ANKRD17: variants seen among roughly 807,000 people sequenced by gnomAD.
ANKRD17 encodes ankyrin repeat domain 17.
A neutral mutation model predicts 229.7 loss-of-function variants in ANKRD17; 19 were observed. The observed-to-expected ratio is 0.08, with a 90% confidence interval of 0.06 to 0.12. The LOEUF is 0.12. Among genes scored for constraint, ANKRD17 ranks in the 10% least tolerant of loss-of-function variants. The pLI, the probability that ANKRD17 is intolerant of heterozygous loss-of-function variation, is 1.00. For missense variants in ANKRD17, 2,176 were observed against 3,176.8 expected, an observed-to-expected ratio of 0.68 and a Z score of 7.57; for synonymous variants, 1,112 against 1,146.1, an observed-to-expected ratio of 0.97 and a Z score of 0.60.
At chr4:73,225,861 C>CAAAAAAAAAAAAAAAAAAAAAAAAAAAA (rs375866026) in intron 1 of ANKRD17, among the ~76,000 whole-genome samples, 1 of 66,696 alleles carries the variant, frequency 1.5e-5, no homozygotes, top group Non-Finnish European at 2.6e-5. Context: ...GACTCTGTCT[C>CAAAAAAAAAAAAAAAAAAAAAAAAAAAA]AAAAAAAAAA....
At chr4:73,155,960 TAGTA>T in intron 4 of ANKRD17, 55 bp downstream of exon 4, 2 of 1,525,020 alleles carry the variant, frequency 1.3e-6, no homozygotes, top group South Asian at 2.7e-5. Flanking sequence ...ATTATTTCCT[TAGTA>T]AGCAAGCCAG....
chr4:73,195,076 A>G (rs1737666725), intron 1 of ANKRD17, among the ~76,000 whole-genome samples: 1 of 152,152 alleles, frequency 6.6e-6, no homozygotes, highest in Non-Finnish European at 1.5e-5. Flanking sequence ...TTTTGTTATC[A>G]GTGGATGATG....
intron 6 of ANKRD17, among the ~76,000 whole-genome samples, chr4:73,153,638 G>C (rs1731285860): frequency 6.6e-6 from 1 of 152,164 alleles, no homozygotes; most frequent in African/African-American, 2.4e-5. Flanking sequence ...TAAAAGAACT[G>C]TTTCTGATAA....
Position 73,258,315 on chromosome 4 carries a change from T to C in ANKRD17, c.354A>G (p.Glu118=). The C allele has an allele frequency of 6.2e-7, 1 of 1,613,752 alleles. No individual in the cohort carries two copies. Among genetic ancestry groups the C allele is most frequent in the Non-Finnish European group, 8.5e-7 (1 of 1,179,976 alleles). Residue 118 remains glutamate, a synonymous_variant, in exon 1 of 34, where the codon GAA becomes GAG. Coordinates refer to ENST00000358602, the MANE Select transcript of ANKRD17 (RefSeq NM_032217.5). ...GGGTSSNNSE[E]EEDDDDEEEE... ...CTTCCTCGTCGTCGTCGTCCTCTTC[T>C]TCCTCGCTGTTGTTACTGCTGGTGC...
chr4:73,080,031 G>A (rs1026006083), intron 30 of ANKRD17, among the ~76,000 whole-genome samples: 13 of 152,080 alleles, frequency 8.5e-5, no homozygotes, highest in Admixed American at 3.3e-4. Context: ...ACTTGAACCC[G>A]GGAGGCGGAG....
intron 1 of ANKRD17, among the ~76,000 whole-genome samples, chr4:73,242,139 C>T (rs913402703): frequency 2.6e-5 from 4 of 151,844 alleles, no homozygotes; most frequent in African/African-American, 4.8e-5. Context: ...TCAAAACTCA[C>T]GCAATAAGAG....
At chr4:73,211,919 G>A (rs1740330263) in intron 1 of ANKRD17, among the ~76,000 whole-genome samples, 1 of 151,186 alleles carries the variant, frequency 6.6e-6, no homozygotes, top group South Asian at 2.1e-4. Context: ...AAACTATATG[G>A]TACAACTAAA....
intron 3 of ANKRD17, among the ~76,000 whole-genome samples, chr4:73,159,860 G>A (rs1732259758): frequency 1.3e-5 from 2 of 152,108 alleles, no homozygotes; most frequent in South Asian, 4.1e-4. Flanking sequence ...GGTAAAGCAA[G>A]TTAATACAAA....
intron 1 of ANKRD17, among the ~76,000 whole-genome samples, chr4:73,193,923 C>A (rs1276408989): frequency 2.0e-5 from 3 of 152,080 alleles, no homozygotes; most frequent in Non-Finnish European, 4.4e-5. Flanking sequence ...CAGAGTGAAA[C>A]CTTGTCTCAA....
At chr4:73,104,652 G>A (rs1441419297) in intron 24 of ANKRD17, among the ~76,000 whole-genome samples, 1 of 151,316 alleles carries the variant, frequency 6.6e-6, no homozygotes, top group Non-Finnish European at 1.5e-5. Flanking sequence ...AGCAAATGAA[G>A]TTTTAGAATT....
chr4:73,163,624 G>A (rs932398940), intron 2 of ANKRD17, among the ~76,000 whole-genome samples: 1 of 152,102 alleles, frequency 6.6e-6, no homozygotes, highest in Non-Finnish European at 1.5e-5. Flanking sequence ...TTAAAGTTTT[G>A]AAAGTGTATA....
intron 26 of ANKRD17, 92 bp from the exon 27 acceptor site, chr4:73,097,364 T>G (rs766442434): frequency 6.3e-6 from 7 of 1,116,204 alleles, no homozygotes; most frequent in Non-Finnish European, 7.4e-6. Context: ...TTTTAAAAAT[T>G]TATTTTTAAA....
At chr4:73,205,863 A>T (rs924503907) in intron 1 of ANKRD17, among the ~76,000 whole-genome samples, 6 of 152,188 alleles carry the variant, frequency 3.9e-5, no homozygotes, top group African/African-American at 1.4e-4. Context: ...TTAATGCCAA[A>T]AACACATAAA....
At chr4:73,220,838 G>A (rs1578442087) in intron 1 of ANKRD17, among the ~76,000 whole-genome samples, 1 of 152,224 alleles carries the variant, frequency 6.6e-6, no homozygotes, top group East Asian at 1.9e-4. Flanking sequence ...TAATAAAACT[G>A]TCACTGTGGT....
At chr4:73,150,417 G>T (rs962778953) in intron 7 of ANKRD17, among the ~76,000 whole-genome samples, 1 of 152,048 alleles carries the variant, frequency 6.6e-6, no homozygotes, top group Non-Finnish European at 1.5e-5. Context: ...TTTTAAAACT[G>T]TTACTGTTAA....
chr4:73,141,825 G>T lies in ANKRD17; in HGVS notation c.2248C>A (p.Gln750Lys). Residue 750 changes from glutamine (Q) to lysine (K), a missense_variant, in exon 14 of 34, where the codon CAA (glutamine) becomes AAA (lysine). Gln to Lys is a moderately conservative substitution (Grantham distance 53, BLOSUM62 1). Around this residue, in one of 18 missense-constraint regions of ANKRD17, gnomAD observed 275 missense variants for 386.9 expected, o/e 0.71. Transcript: ENST00000358602. The part of the protein sequence containing the change: ...DLNRAPRVPV[Q>K]ALPMVVPPQE... ...GGTGGAACAACCATGGGCAGTGCTTGAACTGGTACACGAGGAGCCTAAGAC... is the reference window on the plus strand; with the variant it reads ...GGTGGAACAACCATGGGCAGTGCTTTAACTGGTACACGAGGAGCCTAAGAC... 6.2e-7 allele frequency: 1 copy of T among 1,613,882 alleles called. No individual in the cohort carries two copies. The highest frequency in any genetic ancestry group is 8.5e-7 in the Non-Finnish European group (1 of 1,179,900).
chr4:73,107,255 A>G lies in ANKRD17; in HGVS notation c.4402-4708T>C, dbSNP rs550643279. On this transcript the variant is annotated intron_variant, in intron 24 of 33. Coordinates refer to ENST00000358602, the MANE Select transcript of ANKRD17 (RefSeq NM_032217.5). The stretch of plus-strand genomic sequence containing the variant: ...CAAAAATAATTGAGAACCTAAAAGT[A>G]GCATCAAGATTTCATTTCTCAATAA... 2.6e-5 allele frequency among the ~76,000 whole-genome samples: 4 copies of G among 152,382 alleles called. No individual in the cohort carries two copies. In the South Asian group the frequency reaches 8.3e-4, roughly 32 times the overall value.
intron 24 of ANKRD17, among the ~76,000 whole-genome samples, chr4:73,107,347 CA>C (rs1724767035): frequency 6.6e-6 from 1 of 152,196 alleles, no homozygotes; most frequent in Non-Finnish European, 1.5e-5. Context: ...AAAGATCCAA[CA>C]AAAATTTTCT....
At chr4:73,093,343 T>A (rs1722965694) in intron 28 of ANKRD17, among the ~76,000 whole-genome samples, 1 of 151,738 alleles carries the variant, frequency 6.6e-6, no homozygotes, top group Non-Finnish European at 1.5e-5. Context: ...ATAAGTTATA[T>A]CTTCACTTCA....
Sources: gnomAD v4.1 joint callset for allele counts (sites outside exome capture counted in the v4.1 genomes callset) on GRCh38, gnomAD v4.1.1 for gene constraint, gnomAD v4.1.1 regional missense constraint, MANE v1.5 for transcripts, NCBI Gene and HGNC (gene_info 2026-07-23, HGNC 2026-07-21) for gene names.